ACTR3B: variants seen among roughly 807,000 people sequenced by gnomAD.
ACTR3B encodes the protein actin related protein 3B.
In ACTR3B, 8 loss-of-function variants were observed where a neutral mutation model predicts 59.0. The observed-to-expected ratio is 0.14, with a 90% confidence interval of 0.08 to 0.24. The LOEUF (loss-of-function observed/expected upper bound fraction) is 0.24. ACTR3B is among the 10% of genes least tolerant of loss of function. The probability of loss-of-function intolerance (pLI) is 1.00; values close to 1 mark genes in which losing one functional copy is unlikely to be tolerated. For synonymous variants in ACTR3B, 148 were observed against 197.9 expected, an observed-to-expected ratio of 0.75 and a Z score of 2.12; for missense variants, 245 against 552.3, an observed-to-expected ratio of 0.44 and a Z score of 5.58.
chr7:152,794,994 C>A (rs1345700745), intron 2 of ACTR3B, among the ~76,000 whole-genome samples: 2 of 151,352 alleles, frequency 1.3e-5, no homozygotes, highest in Non-Finnish European at 2.9e-5. Context: ...TATCCTGTTA[C>A]CTCAAGATGC....
At position 152,824,146 on chromosome 7, in the gene ACTR3B, TC is replaced by T. The variant is rs1208981824; in HGVS notation, c.858+633del. On this transcript the variant is annotated intron_variant, in intron 8 of 11. Transcript: ENST00000256001. The surrounding 1 kb of genome is among the most constrained non-coding windows in gnomAD (Gnocchi z 4.2). ...ATTTTATTTATATTTTGGTATATAT[TC>T]CTGGCTAATTCAGTTTATATTCAGT... Among the ~76,000 whole-genome samples the T allele has an allele frequency of 6.6e-6, 1 of 152,266 alleles. No homozygotes were observed. Among genetic ancestry groups the T allele is most frequent in the African/African-American group, 2.4e-5 (1 of 41,476 alleles).
intron 9 of ACTR3B, among the ~76,000 whole-genome samples, chr7:152,843,059 CAAT>C (rs1321021818): frequency 6.6e-6 from 1 of 152,072 alleles, no homozygotes; most frequent in Non-Finnish European, 1.5e-5. Flanking sequence ...AGTGACAACT[CAAT>C]AGTAAGAGTT....
chr7:152,830,475 A>G (rs2116904222), intron 9 of ACTR3B, among the ~76,000 whole-genome samples: 1 of 152,354 alleles, frequency 6.6e-6, no homozygotes, highest in East Asian at 1.9e-4. Flanking sequence ...TGAATTGAAT[A>G]TATATAATTA....
intron 1 of ACTR3B, among the ~76,000 whole-genome samples, chr7:152,766,938 C>T (rs1374409601): frequency 6.6e-6 from 1 of 152,090 alleles, no homozygotes; most frequent in Non-Finnish European, 1.5e-5. Context: ...AGGTGCATGC[C>T]ACCACATCGG....
At chr7:152,825,366 C>T (rs1796487308) in intron 9 of ACTR3B, among the ~76,000 whole-genome samples, 1 of 152,166 alleles carries the variant, frequency 6.6e-6, no homozygotes, top group South Asian at 2.1e-4. Context: ...GGCTGGAGTG[C>T]AGTGGTGCGA....
Position 152,854,679 on chromosome 7 carries a change from C to A in ACTR3B, c.*126C>A. 5 of 1,004,278 alleles carry A rather than the reference C, an allele frequency of 5.0e-6. No homozygotes were observed. Among genetic ancestry groups the A allele is most frequent in the Non-Finnish European group, 7.5e-6 (5 of 665,224 alleles). 62.2% of individuals were successfully genotyped at this position (1,004,278 alleles called of 1,614,324 possible). ...GCTGCCCAGCAGCGTGCTTGCATTG[C>A]CGGTGCATGAGGCGCGGCGCGGGCC... On this transcript the variant is annotated 3_prime_UTR_variant, in exon 12 of 12. Transcript: ENST00000256001. This position sits in a 1 kb window ranked among gnomAD's most constrained non-coding sequence, Gnocchi z 4.9.
At chr7:152,835,754 T>C (rs183535079) in intron 9 of ACTR3B, among the ~76,000 whole-genome samples, 65 of 152,372 alleles carry the variant, frequency 4.3e-4, no homozygotes, top group African/African-American at 1.5e-3. Context: ...AGCCTTGCTT[T>C]ATTTTTTTCT....
intron 1 of ACTR3B, among the ~76,000 whole-genome samples, chr7:152,771,812 G>A (rs397834822): frequency 3.9e-5 from 6 of 152,118 alleles, no homozygotes; most frequent in African/African-American, 9.7e-5. Context: ...ACGGTGGCTC[G>A]TGCCTATAAT....
Position 152,853,533 on chromosome 7 carries a change from C to G in ACTR3B, c.1117C>G (p.Gln373Glu). The change falls in exon 11 of 12, where the codon CAG becomes GAG. Residue 373 changes from glutamine (Q) to glutamate (E), a missense_variant. This residue lies in a region of ACTR3B where 153 missense variants were observed against 266.2 expected (regional missense o/e 0.57). Transcript: ENST00000256001. ...VEVQVVTHHMQRYAVWFGGSM... is the reference protein window; with the variant it reads ...VEVQVVTHHMERYAVWFGGSM... ...GGTCCAGGTGGTCACGCATCACATG[C>G]AGCGCTACGCCGTGTGGTTCGGAGG... 1 of 1,612,690 alleles carries G rather than the reference C, an allele frequency of 6.2e-7. No individual in the cohort carries two copies. The highest frequency in any genetic ancestry group is 8.5e-7 in the Non-Finnish European group (1 of 1,179,536).
intron 9 of ACTR3B, among the ~76,000 whole-genome samples, chr7:152,830,265 G>C (rs535163625): frequency 6.6e-6 from 1 of 152,264 alleles, no homozygotes; most frequent in South Asian, 2.1e-4. Context: ...TTTGACCAGA[G>C]CCTACGGTGG....
intron 7 of ACTR3B, among the ~76,000 whole-genome samples, chr7:152,822,243 T>C: frequency 6.6e-6 from 1 of 152,224 alleles, no homozygotes; most frequent in East Asian, 1.9e-4. Context: ...AACTTTAAAC[T>C]TAATACCACG....
chr7:152,854,551 T>C lies in ACTR3B; in HGVS notation c.1255T>C (p.Ter419GlnextTer29). The C allele has an allele frequency of 6.2e-7, 1 of 1,613,974 alleles. No homozygotes were observed. Among genetic ancestry groups the C allele is most frequent in the Non-Finnish European group, 8.5e-7 (1 of 1,179,904 alleles). ...RHNPVFGVMS[*>Q] The stretch of plus-strand genomic sequence containing the variant: ...CAACCCCGTCTTTGGAGTCATGTCC[T>C]AGTGTCTGCCTGAACGCGTCGTTCG... Residue 419 changes from the stop codon to glutamine (Q), a stop_lost, in exon 12 of 12, where the codon TAG becomes CAG. Coordinates refer to ENST00000256001, the MANE Select transcript of ACTR3B (RefSeq NM_020445.6). The surrounding 1 kb of genome is among the most constrained non-coding windows in gnomAD (Gnocchi z 4.9).
At position 152,759,763 on chromosome 7, in the gene ACTR3B, C is replaced by G; in HGVS notation, c.-120C>G. 2.5e-6 allele frequency: 2 copies of G among 795,314 alleles called. No homozygotes were observed. Among genetic ancestry groups the G allele is most frequent in the Non-Finnish European group, 3.1e-6 (2 of 636,604 alleles). The allele number at this position is 795,314 out of a possible 1,614,324, so 49.3% of individuals were successfully genotyped here. On this transcript the variant is annotated 5_prime_UTR_variant, in exon 1 of 12. Coordinates refer to ENST00000256001, the MANE Select transcript of ACTR3B (RefSeq NM_020445.6). ...GTCGGCCGCCGAGCATCCGGGCTCC[C>G]GGCAGCGGCGCTGCGGCGGCTCGCG...
chr7:152,836,175 G>A (rs1797441485), intron 9 of ACTR3B, among the ~76,000 whole-genome samples: 1 of 151,744 alleles, frequency 6.6e-6, no homozygotes. Flanking sequence ...CTGTCTGGGG[G>A]GTTTGACTTT....
At chr7:152,848,499 A>G (rs1325369200) in intron 9 of ACTR3B, among the ~76,000 whole-genome samples, 1 of 152,250 alleles carries the variant, frequency 6.6e-6, no homozygotes, top group Non-Finnish European at 1.5e-5. Context: ...AAACCTCAGC[A>G]AAAGCGCCCT....
At chr7:152,803,170 T>A (rs2098242150) in intron 4 of ACTR3B, among the ~76,000 whole-genome samples, 2 of 152,194 alleles carry the variant, frequency 1.3e-5, no homozygotes, top group South Asian at 4.1e-4. Flanking sequence ...CTCAACCACC[T>A]GAGTAGCTCG....
Position 152,796,860 on chromosome 7 carries a change from GT to G in ACTR3B, c.101-3633del, listed in dbSNP as rs779909545. Among the ~76,000 whole-genome samples, 527 of 54,740 alleles carry G rather than the reference GT, an allele frequency of 9.6e-3. 28 individuals carry two copies. The highest frequency in any genetic ancestry group is 0.026 in the African/African-American group (381 of 14,410). The allele number at this position is 54,740 out of a possible 152,430, so 35.9% of individuals were successfully genotyped here. On this transcript the variant is annotated intron_variant, in intron 2 of 11. Coordinates refer to ENST00000256001, the MANE Select transcript of ACTR3B (RefSeq NM_020445.6). ...GTTGGGACTCCCGGCTAGTTTTTGT[GT>G]TTTTTTTTTTTTTTTTTTTTTTTTT...
intron 1 of ACTR3B, among the ~76,000 whole-genome samples, chr7:152,779,472 C>T (rs1482707314): frequency 1.3e-5 from 2 of 152,190 alleles, no homozygotes; most frequent in African/African-American, 4.8e-5. Context: ...CCACCCGCCT[C>T]CCCTATCCTC....
chr7:152,810,856 A>T (rs546306256), intron 4 of ACTR3B: 2 of 149,450 alleles, frequency 1.3e-5, no homozygotes, highest in Non-Finnish European at 1.5e-5. Context: ...GAGATCCGAG[A>T]TTGGGCTACT....
Sources: gnomAD v4.1 joint callset for allele counts (sites outside exome capture counted in the v4.1 genomes callset) on GRCh38, gnomAD v4.1.1 for gene constraint, gnomAD v4.1.1 regional missense constraint, Gnocchi (gnomAD v3.1) non-coding constraint, MANE v1.5 for transcripts, NCBI Gene and HGNC (gene_info 2026-07-23, HGNC 2026-07-21) for gene names.